PPIP5K2: variants seen among roughly 807,000 people sequenced by gnomAD.
PPIP5K2 encodes the protein inositol hexakisphosphate and diphosphoinositol-pentakisphosphate kinase 2.
A neutral mutation model predicts 154.6 loss-of-function variants in PPIP5K2; 105 were observed. That is an observed-to-expected ratio of 0.68 (90% CI 0.58 to 0.80). The LOEUF is 0.80. Among genes scored for constraint, PPIP5K2 ranks in the 30% least tolerant of loss-of-function variants. The probability of loss-of-function intolerance (pLI) is 0.00; values close to 1 mark genes in which losing one functional copy is unlikely to be tolerated. For missense variants in PPIP5K2, 992 were observed against 1,504.6 expected, an observed-to-expected ratio of 0.66 and a Z score of 5.64; for synonymous variants, 480 against 490.3, an observed-to-expected ratio of 0.98 and a Z score of 0.28.
intron 23 of PPIP5K2, among the ~76,000 whole-genome samples, chr5:103,179,546 A>G (rs1398578300): frequency 1.3e-5 from 2 of 152,078 alleles, no homozygotes; most frequent in East Asian, 3.8e-4. Context: ...TCACTGAATG[A>G]TTATTACTTT....
chr5:103,161,163 A>G (rs1482781702), intron 17 of PPIP5K2, among the ~76,000 whole-genome samples: 1 of 148,392 alleles, frequency 6.7e-6, no homozygotes, highest in Admixed American at 6.8e-5. Flanking sequence ...CCTGTGTCCA[A>G]GTGTTCTCAT....
chr5:103,185,305 G>C (rs573999766), intron 26 of PPIP5K2, among the ~76,000 whole-genome samples: 1 of 152,124 alleles, frequency 6.6e-6, no homozygotes, highest in African/African-American at 2.4e-5. Flanking sequence ...AAACTCATTT[G>C]GTTTGAAGCT....
intron 21 of PPIP5K2, 121 bp downstream of exon 21, chr5:103,174,093 T>C: frequency 2.7e-6 from 2 of 740,682 alleles, no homozygotes; most frequent in Non-Finnish European, 4.3e-6. Flanking sequence ...CTTAATGTCG[T>C]CTTTCAAGGG....
intron 2 of PPIP5K2, among the ~76,000 whole-genome samples, chr5:103,132,545 CAA>C (rs1215595686): frequency 7.2e-6 from 1 of 138,038 alleles, no homozygotes. Context: ...GACTTTGTCT[CAA>C]AAAAAAAAAT....
At chr5:103,156,136 G>T in intron 14 of PPIP5K2, 142 bp downstream of exon 14, 4 of 559,366 alleles carry the variant, frequency 7.2e-6, no homozygotes, top group East Asian at 3.0e-5. Flanking sequence ...TCTTAGCTGT[G>T]CTTCCTTTTC....
At chr5:103,195,956 T>C (rs1233842377) in intron 30 of PPIP5K2, among the ~76,000 whole-genome samples, 2 of 152,208 alleles carry the variant, frequency 1.3e-5, no homozygotes, top group African/African-American at 4.8e-5. Context: ...TTAACCTCTC[T>C]GATCCTTAGT....
Position 103,147,990 on chromosome 5 carries a change from T to C in PPIP5K2, c.702T>C (p.Tyr234=). ...GCAATGTACGAAAAACAGGCTCATA[T>C]ATATATGAAGAGTTTATGCCCACAG... ...PESNVRKTGS[Y]IYEEFMPTDG... is the part of the protein sequence containing the mutation. The change falls in exon 7 of 31, where the codon TAT becomes TAC. Residue 234 remains tyrosine, a synonymous_variant. Transcript: ENST00000358359. 1.2e-6 allele frequency: 2 copies of C among 1,603,614 alleles called. No homozygotes were observed. The highest frequency in any genetic ancestry group is 1.1e-5 in the South Asian group (1 of 89,094).
Position 103,195,035 on chromosome 5 carries a change from G to A in PPIP5K2, c.3619+10G>A, listed in dbSNP as rs781914627. 1 of 1,605,078 alleles carries A rather than the reference G, an allele frequency of 6.2e-7. No homozygotes were observed. On this transcript the variant is annotated intron_variant, in intron 30 of 30. Coordinates refer to ENST00000358359, the MANE Select transcript of PPIP5K2 (RefSeq NM_001276277.3). Reference sequence around the variant, plus strand: ...GCAAGCAGCAAACCAGGTAAGGGGTGTGTGTGTTGAGTTTGTGGATTTGCA... The same window carrying A: ...GCAAGCAGCAAACCAGGTAAGGGGTATGTGTGTTGAGTTTGTGGATTTGCA...
At position 103,208,304 on chromosome 5, in the gene PPIP5K2, T is replaced by G. The variant is rs1263139448; in HGVS notation, c.*6670T>G. ...CTGGGTTTCACCATGTTGGCCAGGC[T>G]GGTCTCGAACTCCTGACCTCATGAT... is the stretch of plus-strand genomic sequence containing the variant. On this transcript the variant is annotated 3_prime_UTR_variant, in exon 31 of 31. Coordinates refer to ENST00000358359, the MANE Select transcript of PPIP5K2 (RefSeq NM_001276277.3). 1 of 152,196 alleles carries G rather than the reference T, an allele frequency of 6.6e-6. No individual in the cohort carries two copies. Among genetic ancestry groups the G allele is most frequent in the Non-Finnish European group, 1.5e-5 (1 of 68,116 alleles). 9.4% of individuals were successfully genotyped at this position (152,196 alleles called of 1,614,324 possible).
chr5:103,155,936 TA>T lies in PPIP5K2; in HGVS notation c.1433del (p.Lys478ArgfsTer4). 6.2e-7 allele frequency: 1 copy of T among 1,603,778 alleles called. No homozygotes were observed. Among genetic ancestry groups the T allele is most frequent in the Non-Finnish European group, 8.5e-7 (1 of 1,170,798 alleles). On this transcript the variant is annotated frameshift_variant, in exon 14 of 31. Coordinates refer to ENST00000358359, the MANE Select transcript of PPIP5K2 (RefSeq NM_001276277.3). LOFTEE classifies it high-confidence loss of function. ...MYGHFSGINR[K>X]VQLTYLPHGC... is the part of the protein sequence containing the mutation. ...ATGGTCATTTTTCTGGAATAAATCG[TA>T]AGGTTCAGTTGACCTATCTCCCTCA...
chr5:103,146,384 A>C (rs1391713003), intron 5 of PPIP5K2, 143 bp from the exon 6 acceptor site: 12 of 824,346 alleles, frequency 1.5e-5, no homozygotes, highest in Non-Finnish European at 2.0e-5. Context: ...ATTTACATAA[A>C]CATGGATAAT....
chr5:103,168,289 C>A lies in PPIP5K2; in HGVS notation c.2280C>A (p.Ile760=), dbSNP rs1462071652. Residue 760 remains isoleucine, a synonymous_variant, in exon 19 of 31, where the codon ATC becomes ATA. Transcript: ENST00000358359. ...RLSKALADIV[I]PQEYGITKAE... Reference sequence around the variant, plus strand: ...CGAAGGCATTAGCAGATATTGTTATCCCTCAGGTAAGTCATTCTTAAGAAT... The same window carrying A: ...CGAAGGCATTAGCAGATATTGTTATACCTCAGGTAAGTCATTCTTAAGAAT... 3.8e-6 allele frequency: 6 copies of A among 1,586,208 alleles called. No individual in the cohort carries two copies. The highest frequency in any genetic ancestry group is 5.2e-6 in the Non-Finnish European group (6 of 1,159,688).
chr5:103,174,967 C>G (rs1798483324), intron 21 of PPIP5K2, among the ~76,000 whole-genome samples: 1 of 152,074 alleles, frequency 6.6e-6, no homozygotes, highest in Non-Finnish European at 1.5e-5. Flanking sequence ...CCACTCAGTG[C>G]CATGCTGTAA....
chr5:103,161,881 AC>A (rs1554215953), intron 17 of PPIP5K2, among the ~76,000 whole-genome samples: 2 of 151,688 alleles, frequency 1.3e-5, no homozygotes, highest in African/African-American at 4.9e-5. Flanking sequence ...AGATTGTAAA[AC>A]TTTTCTCCCA....
At chr5:103,145,171 T>C (rs564071999) in intron 5 of PPIP5K2, among the ~76,000 whole-genome samples, 21 of 152,150 alleles carry the variant, frequency 1.4e-4, no homozygotes, top group Admixed American at 9.2e-4. Flanking sequence ...ACGTCACCAA[T>C]CATCAGAGAA....
At chr5:103,135,092 T>C (rs1238414977) in intron 3 of PPIP5K2, among the ~76,000 whole-genome samples, 1 of 152,208 alleles carries the variant, frequency 6.6e-6, no homozygotes, top group Non-Finnish European at 1.5e-5. Context: ...AAGTTATGTA[T>C]GCTTGCTGAT....
chr5:103,162,554 G>A (rs1176875025), intron 17 of PPIP5K2, among the ~76,000 whole-genome samples: 4 of 151,682 alleles, frequency 2.6e-5, no homozygotes, highest in Non-Finnish European at 4.4e-5. Context: ...GTAGAGACTG[G>A]GTCTCACTGT....
chr5:103,170,093 T>A (rs1338766558), intron 19 of PPIP5K2, among the ~76,000 whole-genome samples: 2 of 151,518 alleles, frequency 1.3e-5, no homozygotes, highest in East Asian at 3.9e-4. Context: ...TCCCTGAGAG[T>A]TGAGCCGAAA....
Position 103,186,362 on chromosome 5 carries a change from GTTC to G in PPIP5K2, c.3216_3218del (p.Ser1074del). 1.2e-6 allele frequency: 2 copies of G among 1,613,872 alleles called. No homozygotes were observed. Among genetic ancestry groups the G allele is most frequent in the Non-Finnish European group, 1.7e-6 (2 of 1,179,870 alleles). ...CTGTTTAGCACCTCGGTGCTCGGGGGTTCTTCAAGCGCACCTAACCTACAGGAT... is the reference window on the plus strand; with the variant it reads ...CTGTTTAGCACCTCGGTGCTCGGGGGTTCAAGCGCACCTAACCTACAGGAT... On this transcript the variant is annotated inframe_deletion, in exon 27 of 31. Transcript: ENST00000358359.
Sources: allele counts gnomAD v4.1 joint callset (sites outside exome capture counted in the v4.1 genomes callset), GRCh38; gene constraint gnomAD v4.1.1; transcripts MANE v1.5; gene names NCBI Gene and HGNC (gene_info 2026-07-23, HGNC 2026-07-21).